OR2T33: variants seen among roughly 807,000 people sequenced by gnomAD.
OR2T33 encodes olfactory receptor family 2 subfamily T member 33, also known as olfactory receptor 2T33.
In OR2T33, 10 loss-of-function variants were observed where a neutral mutation model predicts 14.0. The ratio of observed to expected loss-of-function variants is 0.72; its 90% CI spans 0.44 to 1.22. The LOEUF (loss-of-function observed/expected upper bound fraction) is 1.22. OR2T33 is among the 50% of genes most tolerant of loss of function. OR2T33 has a pLI of 0.00. For missense variants in OR2T33, 276 were observed against 405.9 expected (o/e 0.68, Z 2.75); for synonymous variants, 103 against 159.4 (o/e 0.65, Z 2.66).
In OR2T33 at chr1:248,273,005, C is replaced by T; in HGVS notation, c.810G>A (p.Lys270=). ...ACATAGTATAGAAGGCTGACACAAC[C>T]TTGTCATGGTTAGTGGACCTATGGG... is the stretch of plus-strand genomic sequence containing the variant. The part of the protein sequence containing the change: ...PKSHRSTNHD[K]VVSAFYTMFT... Residue 270 remains lysine, a synonymous_variant, in exon 2 of 2, where the codon AAG becomes AAA. Transcript: ENST00000641220. 8 of 1,614,012 alleles carry T rather than the reference C, an allele frequency of 5.0e-6. No individual in the cohort carries two copies. The highest frequency in any genetic ancestry group is 6.8e-6 in the Non-Finnish European group (8 of 1,179,996).
In OR2T33 at chr1:248,271,174, G is replaced by A. The variant is rs537071236; in HGVS notation, c.*1678C>T. On this transcript the variant is annotated 3_prime_UTR_variant, in exon 2 of 2. Transcript: ENST00000641220. ...CCTGTATATTAGGCTTAATTTTCTGGTTAGAATATTTTATCCTTACAAAAT... is the reference window on the plus strand; with the variant it reads ...CCTGTATATTAGGCTTAATTTTCTGATTAGAATATTTTATCCTTACAAAAT... 2 of 152,138 alleles carry A rather than the reference G, an allele frequency of 1.3e-5. No homozygotes were observed. Among genetic ancestry groups the A allele is most frequent in the East Asian group, 3.9e-4 (2 of 5,180 alleles). 9.4% of individuals were successfully genotyped at this position (152,138 alleles called of 1,614,324 possible).
At position 248,270,310 on chromosome 1, in the gene OR2T33, C is replaced by A. The variant is rs575575966; in HGVS notation, c.*2542G>T. On this transcript the variant is annotated 3_prime_UTR_variant, in exon 2 of 2. Coordinates refer to ENST00000641220, the MANE Select transcript of OR2T33 (RefSeq NM_001004695.2). Reference sequence around the variant, plus strand: ...GGGAGGGATAGCACTAGGAGATATACCTAATGTAAATGATGAGTTAATGAG... The same window carrying A: ...GGGAGGGATAGCACTAGGAGATATAACTAATGTAAATGATGAGTTAATGAG... The A allele has an allele frequency of 3.3e-5, 5 of 152,052 alleles. No homozygotes were observed. Among genetic ancestry groups the A allele is most frequent in the Non-Finnish European group, 7.3e-5 (5 of 68,028 alleles). The allele number at this position is 152,052 out of a possible 1,614,324, so 9.4% of individuals were successfully genotyped here. A position where few individuals can be genotyped will look rare whatever the true frequency, so the allele number is the denominator to read the frequency against.
At chr1:248,275,910 G>T (rs1334076246) in intron 1 of OR2T33, among the ~76,000 whole-genome samples, 5 of 152,112 alleles carry the variant, frequency 3.3e-5, no homozygotes. Flanking sequence ...TGGGAAAAAA[G>T]AATCATTTCT....
intron 1 of OR2T33, among the ~76,000 whole-genome samples, chr1:248,275,473 A>G (rs1450017299): frequency 2.6e-5 from 4 of 152,208 alleles, no homozygotes; most frequent in Non-Finnish European, 4.4e-5. Flanking sequence ...TGATTGCCAC[A>G]GCCCACTGAC....
intron 1 of OR2T33, among the ~76,000 whole-genome samples, chr1:248,276,732 A>G (rs1447010560): frequency 6.6e-6 from 1 of 152,268 alleles, no homozygotes; most frequent in East Asian, 1.9e-4. Flanking sequence ...GATGTATAAT[A>G]TTGTTATAGA....
intron 1 of OR2T33, 138 bp from the exon 2 acceptor site, chr1:248,273,960 G>T: frequency 8.1e-7 from 1 of 1,228,448 alleles, no homozygotes; most frequent in Non-Finnish European, 1.1e-6. Flanking sequence ...AACTCCCAGT[G>T]AGCATGGCTT....
chr1:248,273,794 G>C lies in OR2T33; in HGVS notation c.21C>G (p.Thr7=), dbSNP rs551266787. MEMRNT[T]PDFILLGLFN... ...AGAGTCCTAGGAGAATAAAATCTGG[G>C]GTAGTATTTCTCATCTCCATAATTT... The change falls in exon 2 of 2, where the codon ACC becomes ACG. Residue 7 remains threonine, a synonymous_variant. Transcript: ENST00000641220. 10 of 1,611,176 alleles carry C rather than the reference G, an allele frequency of 6.2e-6. No individual in the cohort carries two copies. The Admixed American group carries it at 1.5e-4, about 24-fold the overall frequency.
intron 1 of OR2T33, among the ~76,000 whole-genome samples, chr1:248,275,886 T>C (rs1276238467): frequency 6.6e-6 from 1 of 152,172 alleles, no homozygotes; most frequent in African/African-American, 2.4e-5. Flanking sequence ...AAGAAAAAGG[T>C]AAACATTAAA....
chr1:248,276,176 T>A (rs1487506076), intron 1 of OR2T33, among the ~76,000 whole-genome samples: 1 of 152,132 alleles, frequency 6.6e-6, no homozygotes, highest in Non-Finnish European at 1.5e-5. Context: ...AACCTAATGC[T>A]GCTGCTGATC....
In OR2T33 at chr1:248,272,708, AC is replaced by A; in HGVS notation, c.*143del. ...AATGCTAAAAATGGTATCTCTCAAT[AC>A]AATTAGCTCACTTAATTCTTAAAAA... On this transcript the variant is annotated 3_prime_UTR_variant, in exon 2 of 2. Coordinates refer to ENST00000641220, the MANE Select transcript of OR2T33 (RefSeq NM_001004695.2). The A allele has an allele frequency of 9.1e-7, 1 of 1,099,162 alleles. No homozygotes were observed. Among genetic ancestry groups the A allele is most frequent in the South Asian group, 1.6e-5 (1 of 60,978 alleles). 68.1% of individuals were successfully genotyped at this position (1,099,162 alleles called of 1,614,324 possible).
In OR2T33 at chr1:248,272,314, A is replaced by G. The variant is rs1338175515; in HGVS notation, c.*538T>C. ...AAATACAAAAAAATTGTGGCAATAT[A>G]GCAGTTACATTTGAGTTGTGGACTT... On this transcript the variant is annotated 3_prime_UTR_variant, in exon 2 of 2. Coordinates refer to ENST00000641220, the MANE Select transcript of OR2T33 (RefSeq NM_001004695.2). The G allele has an allele frequency of 1.3e-5, 2 of 152,444 alleles. No individual in the cohort carries two copies. Among genetic ancestry groups the G allele is most frequent in the African/African-American group, 4.8e-5 (2 of 41,472 alleles). 9.4% of individuals were successfully genotyped at this position (152,444 alleles called of 1,614,324 possible).
Position 248,272,901 on chromosome 1 carries a change from G to A in OR2T33, c.914C>T (p.Thr305Met), listed in dbSNP as rs755082412. The change falls in exon 2 of 2, where the codon ACG (threonine) becomes ATG (methionine). Residue 305 changes from threonine to methionine, a missense_variant. Coordinates refer to ENST00000641220, the MANE Select transcript of OR2T33 (RefSeq NM_001004695.2). ...TTGCTGGTGTTTTATGTTTACACAC[G>A]TCCCCAGCCACCGTTTCAGGGCTCC... ...VKGALKRWLGTCVNIKHQQNE... is the reference protein window; with the variant it reads ...VKGALKRWLGMCVNIKHQQNE... 25 of 1,613,948 alleles carry A rather than the reference G, an allele frequency of 1.5e-5. No homozygotes were observed. Among genetic ancestry groups the A allele is most frequent in the South Asian group, 3.3e-5 (3 of 91,076 alleles).
rs1232320426 is a variant in OR2T33, at chr1:248,271,212, G to A, written c.*1640C>T. ...ATCCTTACAAAATTTTATAGGCTTA[G>A]TTTACCATTTTTAGCTCAACATGTT... On this transcript the variant is annotated 3_prime_UTR_variant, in exon 2 of 2. Coordinates refer to ENST00000641220, the MANE Select transcript of OR2T33 (RefSeq NM_001004695.2). 6.6e-6 allele frequency: 1 copy of A among 152,098 alleles called. No individual in the cohort carries two copies. Among genetic ancestry groups the A allele is most frequent in the Non-Finnish European group, 1.5e-5 (1 of 68,000 alleles). 9.4% of individuals were successfully genotyped at this position (152,098 alleles called of 1,614,324 possible).
Position 248,271,588 on chromosome 1 carries a change from T to C in OR2T33, c.*1264A>G, listed in dbSNP as rs1276652888. On this transcript the variant is annotated 3_prime_UTR_variant, in exon 2 of 2. Coordinates refer to ENST00000641220, the MANE Select transcript of OR2T33 (RefSeq NM_001004695.2). ...ATATTACTGCTTTGGAACCTGAAGC[T>C]CTAGATGAAGCAGAAAACTCCTTTC... is the stretch of plus-strand genomic sequence containing the variant. The C allele has an allele frequency of 2.6e-5, 4 of 152,158 alleles. No individual in the cohort carries two copies. Among genetic ancestry groups the C allele is most frequent in the Non-Finnish European group, 5.9e-5 (4 of 68,012 alleles). The allele number at this position is 152,158 out of a possible 1,614,324, so 9.4% of individuals were successfully genotyped here.
rs1659416030 is a variant in OR2T33 at position 248,273,746 on chromosome 1, T to C, written c.69A>G (p.Gln23=). The C allele has an allele frequency of 6.2e-7, 1 of 1,613,646 alleles. No individual in the cohort carries two copies. The highest frequency in any genetic ancestry group is 1.7e-5 in the Admixed American group (1 of 59,984). The stretch of plus-strand genomic sequence containing the variant: ...TACTCAGAACCATCATGAAGAGGAC[T>C]TGGTGGGCTCTGGTGTGGTTAAAGA... The part of the protein sequence containing the change: ...LGLFNHTRAH[Q]VLFMMVLSIV... The change falls in exon 2 of 2, where the codon CAA becomes CAG. Residue 23 remains glutamine, a synonymous_variant. Transcript: ENST00000641220.
chr1:248,275,526 C>A (rs1181909446), intron 1 of OR2T33, among the ~76,000 whole-genome samples: 1 of 152,146 alleles, frequency 6.6e-6, no homozygotes, highest in Non-Finnish European at 1.5e-5. Flanking sequence ...TAACTTTAAA[C>A]CACCATCAGA....
chr1:248,270,784 A>G lies in OR2T33; in HGVS notation c.*2068T>C, dbSNP rs1659360495. 1 of 152,186 alleles carries G rather than the reference A, an allele frequency of 6.6e-6. No homozygotes were observed. The highest frequency in any genetic ancestry group is 1.5e-5 in the Non-Finnish European group (1 of 68,036). The allele number at this position is 152,186 out of a possible 1,614,324, so 9.4% of individuals were successfully genotyped here. On this transcript the variant is annotated 3_prime_UTR_variant, in exon 2 of 2. Coordinates refer to ENST00000641220, the MANE Select transcript of OR2T33 (RefSeq NM_001004695.2). ...CACTAATCGTAGAAAACAAAATTAT[A>G]TATTGGACTTTACAAAAATCAAAAT...
rs1369440961 is a variant in OR2T33 at position 248,272,137 on chromosome 1, C to A, written c.*715G>T. 3 of 152,064 alleles carry A rather than the reference C, an allele frequency of 2.0e-5. No individual in the cohort carries two copies. The highest frequency in any genetic ancestry group is 1.9e-4 in the East Asian group (1 of 5,168). 9.4% of individuals were successfully genotyped at this position (152,064 alleles called of 1,614,324 possible). Reference sequence around the variant, plus strand: ...GAGGTATGTCAATAAGTCAAGGTAACCTTAAAGCAGGTGTAGAAAACAGAA... The same window carrying A: ...GAGGTATGTCAATAAGTCAAGGTAAACTTAAAGCAGGTGTAGAAAACAGAA... On this transcript the variant is annotated 3_prime_UTR_variant, in exon 2 of 2. Transcript: ENST00000641220.
intron 1 of OR2T33, among the ~76,000 whole-genome samples, chr1:248,275,381 C>G (rs1659436754): frequency 1.3e-5 from 2 of 152,156 alleles, no homozygotes; most frequent in South Asian, 4.1e-4. Context: ...CTGTGCCAAG[C>G]CTTGTTGGTT....
Sources: allele counts gnomAD v4.1 joint callset (sites outside exome capture counted in the v4.1 genomes callset), GRCh38; gene constraint gnomAD v4.1.1; transcripts MANE v1.5; gene names NCBI Gene and HGNC (gene_info 2026-07-23, HGNC 2026-07-21).